YWHAE: variants seen among roughly 807,000 people sequenced by gnomAD.
YWHAE encodes tyrosine 3-monooxygenase/tryptophan 5-monooxygenase activation protein epsilon.
A neutral mutation model predicts 30.1 loss-of-function variants in YWHAE; 4 were observed. The ratio of observed to expected loss-of-function variants is 0.13; its 90% CI spans 0.07 to 0.30. The LOEUF is 0.30. Ranked by LOEUF, YWHAE falls within the 10% of genes least tolerant of loss-of-function variation. The pLI is 1.00. For missense variants in YWHAE, 121 were observed against 315.9 expected, an observed-to-expected ratio of 0.38 and a Z score of 4.68; for synonymous variants, 118 against 111.8, an observed-to-expected ratio of 1.06 and a Z score of -0.35.
At chr17:1,396,923 CTTT>C (rs796641845) in intron 1 of YWHAE, among the ~76,000 whole-genome samples, 6 of 137,394 alleles carry the variant, frequency 4.4e-5, no homozygotes, top group Non-Finnish European at 7.9e-5. Flanking sequence ...CACCTGGCCT[CTTT>C]TTTTTTTTTT....
intron 1 of YWHAE, among the ~76,000 whole-genome samples, chr17:1,382,059 TTTG>T (rs2073218601): frequency 6.6e-6 from 1 of 152,074 alleles, no homozygotes; most frequent in Non-Finnish European, 1.5e-5. Flanking sequence ...TTTTTGTTTG[TTTG>T]TTTTGAGATG....
At chr17:1,365,956 G>A (rs946121936) in intron 1 of YWHAE, among the ~76,000 whole-genome samples, 1 of 140,768 alleles carries the variant, frequency 7.1e-6, no homozygotes, top group Non-Finnish European at 1.5e-5. Context: ...AGTGGCTCAT[G>A]CCTGTAAATC....
chr17:1,364,836 G>C, intron 2 of YWHAE, 23 bp downstream of exon 2: 1 of 1,613,798 alleles, frequency 6.2e-7, no homozygotes. Context: ...GGATAAGGGG[G>C]GATGATGGCA....
rs61089437 is a variant in YWHAE at position 1,388,574 on chromosome 17, CTTT to C, written c.64+11470_64+11472del. The stretch of plus-strand genomic sequence containing the variant: ...CAGGCATGAGCAAACCATGCCCAGC[CTTT>C]TTTTTTTTTTTTTTAATAGAAACGG... On this transcript the variant is annotated intron_variant, in intron 1 of 5. Coordinates refer to ENST00000264335, the MANE Select transcript of YWHAE (RefSeq NM_006761.5). 7.1e-3 allele frequency among the ~76,000 whole-genome samples: 957 copies of C among 135,604 alleles called. 12 individuals carry two copies. Among genetic ancestry groups the C allele is most frequent in the African/African-American group, 0.023 (869 of 37,334 alleles). The allele number at this position is 135,604 out of a possible 152,430, so 89.0% of individuals were successfully genotyped here. A position where few individuals can be genotyped will look rare whatever the true frequency, so the allele number is the denominator to read the frequency against.
At chr17:1,345,847 T>C (rs1010845799) in intron 5 of YWHAE, among the ~76,000 whole-genome samples, 1 of 152,236 alleles carries the variant, frequency 6.6e-6, no homozygotes, top group African/African-American at 2.4e-5. Context: ...TCTTTCTCAA[T>C]AACCTCACCT....
In YWHAE at chr17:1,400,212, C is replaced by T; in HGVS notation, c.-102G>A. 1 of 1,388,702 alleles carries T rather than the reference C, an allele frequency of 7.2e-7. No individual in the cohort carries two copies. Among genetic ancestry groups the T allele is most frequent in the Non-Finnish European group, 1.0e-6 (1 of 986,434 alleles). The allele number at this position is 1,388,702 out of a possible 1,614,324, so 86.0% of individuals were successfully genotyped here. On this transcript the variant is annotated 5_prime_UTR_variant, in exon 1 of 6. Coordinates refer to ENST00000264335, the MANE Select transcript of YWHAE (RefSeq NM_006761.5). ...CGCGTCCGGGCAGCAAAAATGGCGG[C>T]GCCTCAATCCGGGACTTCCGCCTGC...
intron 1 of YWHAE, among the ~76,000 whole-genome samples, chr17:1,392,310 G>C (rs981413916): frequency 6.6e-6 from 1 of 152,172 alleles, no homozygotes. Context: ...GGGAGGTTGA[G>C]GATGCAGTGA....
rs113879590 is a variant in YWHAE, at chr17:1,361,279, A to G, written c.391T>C (p.Tyr131His). ...YYKMKGDYHR[Y>H]LAEFATGNDR... ...TTTCCTGTGGCAAATTCTGCCAGAT[A>G]CCTGTGGTAGTCCCCTTTCCTAAAA... The change falls in exon 4 of 6, where the codon TAT becomes CAT. Residue 131 changes from tyrosine to histidine, a missense_variant. By Grantham distance (83) the Tyr-to-His change is moderately conservative. Transcript: ENST00000264335. 6.2e-7 allele frequency: 1 copy of G among 1,612,304 alleles called. No homozygotes were observed. Among genetic ancestry groups the G allele is most frequent in the Non-Finnish European group, 8.5e-7 (1 of 1,179,294 alleles).
At chr17:1,381,407 G>A (rs1178032842) in intron 1 of YWHAE, among the ~76,000 whole-genome samples, 1 of 152,044 alleles carries the variant, frequency 6.6e-6, no homozygotes, top group African/African-American at 2.4e-5. Flanking sequence ...TACTCAGGAG[G>A]CTGAAGCACG....
intron 1 of YWHAE, among the ~76,000 whole-genome samples, chr17:1,367,621 C>T (rs1278748819): frequency 2.0e-5 from 3 of 152,060 alleles, no homozygotes; most frequent in African/African-American, 7.2e-5. Context: ...CGCTGTACTC[C>T]AGCTTGGATG....
chr17:1,380,051 C>A (rs961915242), intron 1 of YWHAE, among the ~76,000 whole-genome samples: 1 of 151,920 alleles, frequency 6.6e-6, no homozygotes, highest in African/African-American at 2.4e-5. Flanking sequence ...ACAGGAAAGT[C>A]CCACCACAGC....
chr17:1,357,567 G>A (rs997444701), intron 4 of YWHAE, among the ~76,000 whole-genome samples: 1 of 151,714 alleles, frequency 6.6e-6, no homozygotes. Context: ...GCAGCAGAGT[G>A]AGACTCCGTC....
chr17:1,345,511 G>GA lies in YWHAE; in HGVS notation c.716-13dup, dbSNP rs758796792. ...ATTCTGCTCTTCACCTGTTAAAAAA[G>GA]AAAAAAAGTCAATTATTTCGTATTG... On this transcript the variant is annotated splice_polypyrimidine_tract_variant and intron_variant, in intron 5 of 5. Coordinates refer to ENST00000264335, the MANE Select transcript of YWHAE (RefSeq NM_006761.5). The GA allele has an allele frequency of 3.1e-6, 5 of 1,612,436 alleles. No individual in the cohort carries two copies. Among genetic ancestry groups the GA allele is most frequent in the Non-Finnish European group, 4.2e-6 (5 of 1,179,534 alleles).
intron 3 of YWHAE, 69 bp downstream of exon 3, chr17:1,361,833 A>T: frequency 9.7e-7 from 1 of 1,027,400 alleles, no homozygotes; most frequent in Non-Finnish European, 1.4e-6. Flanking sequence ...AAACCTACAT[A>T]GAACAAAGTT....
rs76966289 is a variant in YWHAE at position 1,374,456 on chromosome 17, A to G, written c.65-9398T>C. Among the ~76,000 whole-genome samples, 483 of 152,322 alleles carry G rather than the reference A, an allele frequency of 3.2e-3. 3 individuals carry two copies. Among genetic ancestry groups the G allele is most frequent in the African/African-American group, 0.01 (436 of 41,572 alleles). On this transcript the variant is annotated intron_variant, in intron 1 of 5. Transcript: ENST00000264335. ...ATGCTTTCAGTTCACTTCAGTATAC[A>G]CCTAGAAGGAACTTCAGGATCACAT...
chr17:1,378,030 C>G (rs1169992232), intron 1 of YWHAE, among the ~76,000 whole-genome samples: 2 of 152,212 alleles, frequency 1.3e-5, no homozygotes, highest in African/African-American at 4.8e-5. Context: ...GCCTGGGCAA[C>G]AGAGGTGAGA....
chr17:1,368,710 T>C (rs1335899533), intron 1 of YWHAE, among the ~76,000 whole-genome samples: 1 of 152,172 alleles, frequency 6.6e-6, no homozygotes, highest in African/African-American at 2.4e-5. Context: ...AGCAGTGGAA[T>C]AGGTAATCGT....
chr17:1,355,829 A>T (rs999633653), intron 4 of YWHAE, among the ~76,000 whole-genome samples: 18 of 152,274 alleles, frequency 1.2e-4, no homozygotes, highest in African/African-American at 4.3e-4. Context: ...ACTTGAGGCC[A>T]GGAGTTCAAG....
At chr17:1,357,938 A>G (rs1001523683) in intron 4 of YWHAE, among the ~76,000 whole-genome samples, 54 of 152,062 alleles carry the variant, frequency 3.6e-4, no homozygotes, top group Non-Finnish European at 7.1e-4. Flanking sequence ...GGGGGAAAAA[A>G]AAAAAGAAAA....
Sources: gnomAD v4.1 joint callset for allele counts (sites outside exome capture counted in the v4.1 genomes callset) on GRCh38, gnomAD v4.1.1 for gene constraint, MANE v1.5 for transcripts, NCBI Gene and HGNC (gene_info 2026-07-23, HGNC 2026-07-21) for gene names.